PTPRA: variants seen among roughly 807,000 people sequenced by gnomAD.
PTPRA encodes receptor-type tyrosine-protein phosphatase alpha.
A neutral mutation model predicts 104.8 loss-of-function variants in PTPRA; 25 were observed. The observed-to-expected ratio is 0.24, with a 90% CI of 0.17 to 0.33. The LOEUF is 0.33. Among genes scored for constraint, PTPRA ranks in the 10% least tolerant of loss-of-function variants. The pLI, the probability that PTPRA is intolerant of heterozygous loss-of-function variation, is 1.00. For missense variants in PTPRA, 765 were observed against 1,015.3 expected, an observed-to-expected ratio of 0.75 and a Z score of 3.35; for synonymous variants, 323 against 368.9, an observed-to-expected ratio of 0.88 and a Z score of 1.43.
chr20:2,930,019 T>C (rs1213015016), intron 2 of PTPRA, among the ~76,000 whole-genome samples: 3 of 152,106 alleles, frequency 2.0e-5, no homozygotes, highest in Admixed American at 2.0e-4. Context: ...AGAGGTCTCA[T>C]AGGAAACCAA....
At chr20:2,925,108 G>C (rs1039829477) in intron 2 of PTPRA, among the ~76,000 whole-genome samples, 6 of 152,020 alleles carry the variant, frequency 3.9e-5, no homozygotes, top group South Asian at 2.1e-4. Context: ...CATTCCTGTT[G>C]TGCAGCCATC....
chr20:2,910,609 A>ATTTTTTTTTTTTTTTTT (rs2059685799), intron 1 of PTPRA, among the ~76,000 whole-genome samples: 1 of 27,012 alleles, frequency 3.7e-5, no homozygotes, highest in African/African-American at 2.0e-4. Flanking sequence ...TGTTTTTTTT[A>ATTTTTTTTTTTTTTTTT]ATTTTTTTTT....
In PTPRA at chr20:2,886,810, C is replaced by T. The variant is rs1220049151; in HGVS notation, c.-129+13050C>T. 4.0e-5 allele frequency among the ~76,000 whole-genome samples: 6 copies of T among 148,924 alleles called. No individual in the cohort carries two copies. The East Asian group carries it at 5.9e-4, about 15-fold the overall frequency. ...GGTGGAGGTTGCCCTGAGCCGAGATCGCACCATTGTACTCCAGCCTGGGCA... is the reference window on the plus strand; with the variant it reads ...GGTGGAGGTTGCCCTGAGCCGAGATTGCACCATTGTACTCCAGCCTGGGCA... On this transcript the variant is annotated intron_variant, in intron 1 of 23. Coordinates refer to ENST00000399903, the MANE Select transcript of PTPRA (RefSeq NM_001385305.1).
At chr20:2,932,214 A>G (rs903401578) in intron 2 of PTPRA, among the ~76,000 whole-genome samples, 6 of 152,188 alleles carry the variant, frequency 3.9e-5, no homozygotes, top group African/African-American at 1.4e-4. Flanking sequence ...CAGGAATTAG[A>G]TTTAATCAGG....
chr20:2,900,062 A>G (rs560964851), intron 1 of PTPRA, among the ~76,000 whole-genome samples: 1 of 152,250 alleles, frequency 6.6e-6, no homozygotes, highest in East Asian at 1.9e-4. Context: ...GTGAGCTGAG[A>G]TAGCGCCACT....
intron 9 of PTPRA, among the ~76,000 whole-genome samples, chr20:3,001,502 G>A (rs2063624952): frequency 6.6e-6 from 1 of 152,144 alleles, no homozygotes; most frequent in African/African-American, 2.4e-5. Context: ...TTTAGAGAAG[G>A]GATGCACAGG....
the PTPRA span, chr20:2,864,706 G>GT: frequency 6.3e-7 from 1 of 1,576,576 alleles, no homozygotes; most frequent in Non-Finnish European, 8.7e-7. This position sits in a 1 kb window ranked among gnomAD's most constrained non-coding sequence, Gnocchi z 5.2. Flanking sequence ...GGCTGGGGCT[G>GT]TTGGTCCGGT....
chr20:2,880,204 G>A (rs1436683956), intron 1 of PTPRA, among the ~76,000 whole-genome samples: 1 of 152,222 alleles, frequency 6.6e-6, no homozygotes, highest in East Asian at 1.9e-4. Context: ...GTCCAGAGCA[G>A]TAGTTTTCAA....
At chr20:2,910,011 C>CATATATATAATCTATCATATATCAT (rs200690952) in intron 1 of PTPRA, among the ~76,000 whole-genome samples, 2 of 100,100 alleles carry the variant, frequency 2.0e-5, no homozygotes, top group Admixed American at 1.2e-4. Flanking sequence ...TATCATATAT[C>CATATATATAATCTATCATATATCAT]ATATATAATC....
chr20:2,999,154 T>TA (rs2063526067), intron 9 of PTPRA, among the ~76,000 whole-genome samples: 1 of 152,032 alleles, frequency 6.6e-6, no homozygotes, highest in Non-Finnish European at 1.5e-5. Flanking sequence ...GTAAAGTACC[T>TA]AGGAATGGAT....
chr20:3,034,210 G>A (rs1018415862), intron 20 of PTPRA, among the ~76,000 whole-genome samples: 6 of 152,086 alleles, frequency 3.9e-5, no homozygotes, highest in African/African-American at 1.4e-4. Flanking sequence ...GGCGGAGGCT[G>A]CAGTAAGTCA....
the PTPRA span, chr20:2,866,284 G>C: frequency 1.9e-6 from 3 of 1,614,088 alleles, no homozygotes; most frequent in Non-Finnish European, 2.5e-6. Context: ...CGTGGGTCCC[G>C]AGCAGAAGGT....
chr20:2,869,448 G>T (rs575203892), upstream of PTPRA, among the ~76,000 whole-genome samples: 232 of 152,272 alleles, frequency 1.5e-3, no homozygotes, highest in Non-Finnish European at 2.8e-3. Context: ...AACCAGAACT[G>T]GGATTTTCTT....
intron 1 of PTPRA, among the ~76,000 whole-genome samples, chr20:2,887,752 T>G (rs965632263): frequency 6.6e-6 from 1 of 152,218 alleles, no homozygotes; most frequent in African/African-American, 2.4e-5. Flanking sequence ...ATGTCTTCCT[T>G]TGATAATGTT....
chr20:2,878,444 A>AGG (rs2089866511), intron 1 of PTPRA, among the ~76,000 whole-genome samples: 12 of 152,192 alleles, frequency 7.9e-5, no homozygotes, highest in Admixed American at 7.9e-4. Context: ...TCCTGGACTC[A>AGG]AGTGATCCAC....
chr20:2,882,722 A>T (rs538876442), intron 1 of PTPRA, among the ~76,000 whole-genome samples: 1 of 152,338 alleles, frequency 6.6e-6, no homozygotes, highest in South Asian at 2.1e-4. Context: ...TCATAAGAAC[A>T]TTACTATATG....
chr20:3,022,477 G>A lies in PTPRA; in HGVS notation c.1329-212G>A, dbSNP rs931099183. On this transcript the variant is annotated intron_variant, in intron 15 of 23. Transcript: ENST00000399903. This position sits in a 1 kb window ranked among gnomAD's most constrained non-coding sequence, Gnocchi z 4.6. The stretch of plus-strand genomic sequence containing the variant: ...AGCCAAAAGACTGGGTCAAGTGCTG[G>A]CCATGTATTTTTGCAGCCTTCGGAC... Among the ~76,000 whole-genome samples, 3 of 152,214 alleles carry A rather than the reference G, an allele frequency of 2.0e-5. No individual in the cohort carries two copies. Among genetic ancestry groups the A allele is most frequent in the African/African-American group, 7.2e-5 (3 of 41,454 alleles).
chr20:3,014,746 C>T (rs6515756), intron 11 of PTPRA, among the ~76,000 whole-genome samples: 20,783 of 152,180 alleles, frequency 0.14, 1,767 homozygotes, highest in East Asian at 0.28. Context: ...GTTGGTGTGA[C>T]ATGGTGTCCC....
At position 2,910,389 on chromosome 20, in the gene PTPRA, T is replaced by TATATAATATATAAAATGTATA. The variant is rs1184182698; in HGVS notation, c.-128-12818_-128-12817insATATAATATATAAAATGTATA. ...ATAATATATTTTGTATATTATATAT[T>TATATAATATATAAAATGTATA]TTATATATAATATATTTTGTATATT... On this transcript the variant is annotated intron_variant, in intron 1 of 23. Coordinates refer to ENST00000399903, the MANE Select transcript of PTPRA (RefSeq NM_001385305.1). Among the ~76,000 whole-genome samples, 113 of 79,778 alleles carry TATATAATATATAAAATGTATA rather than the reference T, an allele frequency of 1.4e-3. 2 individuals are homozygous for TATATAATATATAAAATGTATA. Among genetic ancestry groups the TATATAATATATAAAATGTATA allele is most frequent in the African/African-American group, 6.4e-3 (111 of 17,322 alleles). The allele number at this position is 79,778 out of a possible 152,430, so 52.3% of individuals were successfully genotyped here. A position where few individuals can be genotyped will look rare whatever the true frequency, so the allele number is the denominator to read the frequency against.
Sources: allele counts gnomAD v4.1 joint callset (sites outside exome capture counted in the v4.1 genomes callset), GRCh38; gene constraint gnomAD v4.1.1; non-coding constraint Gnocchi (gnomAD v3.1); transcripts MANE v1.5; gene names NCBI Gene and HGNC (gene_info 2026-07-23, HGNC 2026-07-21).